The following MYH11 variants were observed in gnomAD, a reference collection of about 807,000 sequenced individuals.
MYH11 encodes the protein myosin heavy chain 11, also known as myosin-11.
A neutral mutation model predicts 246.6 loss-of-function variants in MYH11; 80 were observed. The observed-to-expected ratio is 0.32, with a 90% confidence interval of 0.27 to 0.39. The LOEUF is 0.39. Among genes scored for constraint, MYH11 ranks in the 10% least tolerant of loss-of-function variants. The pLI, the probability that MYH11 is intolerant of heterozygous loss-of-function variation, is 1.00. For synonymous variants in MYH11, 1,071 were observed against 1,015.5 expected, an observed-to-expected ratio of 1.05 and a Z score of -1.04; for missense variants, 2,158 against 2,546.8, an observed-to-expected ratio of 0.85 and a Z score of 3.29.
chr16:15,707,788 A>G (rs2039536251), intron 40 of MYH11, among the ~76,000 whole-genome samples: 1 of 152,118 alleles, frequency 6.6e-6, no homozygotes, highest in South Asian at 2.1e-4. Flanking sequence ...CCTGGCCAAC[A>G]TGGTGATATC....
chr16:15,832,475 G>A (rs752346495), intron 2 of MYH11, among the ~76,000 whole-genome samples: 4 of 152,150 alleles, frequency 2.6e-5, no homozygotes, highest in Admixed American at 6.5e-5. Flanking sequence ...TGAGGTCTGC[G>A]GAAAAGCAGA....
intron 16 of MYH11, among the ~76,000 whole-genome samples, chr16:15,748,759 G>A (rs911010883): frequency 2.0e-5 from 3 of 152,082 alleles, no homozygotes; most frequent in Non-Finnish European, 4.4e-5. Flanking sequence ...GGGACCACAG[G>A]TATGTGCTAC....
chr16:15,719,420 A>G, intron 35 of MYH11, 112 bp from the exon 36 acceptor site: 3 of 1,476,072 alleles, frequency 2.0e-6, no homozygotes, highest in South Asian at 2.3e-5. Flanking sequence ...CTCTGAGCTC[A>G]GGGGAGGCCC....
At chr16:15,719,847 G>T in intron 34 of MYH11, 134 bp from the exon 35 acceptor site, 2 of 1,322,372 alleles carry the variant, frequency 1.5e-6, no homozygotes, top group South Asian at 1.2e-5. Context: ...GCACGAGCAT[G>T]GCTCTCAGTT....
In MYH11 at chr16:15,826,962, A is replaced by C. The variant is rs192866546; in HGVS notation, c.346-3551T>G. On this transcript the variant is annotated intron_variant, in intron 2 of 40. Coordinates refer to ENST00000300036, the MANE Select transcript of MYH11 (RefSeq NM_002474.3). ...TAGTGAGCCAAGGTGGTGCCATTGC[A>C]CTCCAGCCTGGGTGACAGAGGGAGA... Among the ~76,000 whole-genome samples, 15 of 138,114 alleles carry C rather than the reference A, an allele frequency of 1.1e-4. No individual in the cohort carries two copies. The East Asian group carries it at 2.4e-3, about 22-fold the overall frequency. The allele number at this position is 138,114 out of a possible 152,430, so 90.6% of individuals were successfully genotyped here.
At chr16:15,814,507 C>G (rs1022086017) in intron 3 of MYH11, among the ~76,000 whole-genome samples, 19 of 121,112 alleles carry the variant, frequency 1.6e-4, no homozygotes, top group Admixed American at 3.3e-4. Context: ...GAGCCAAGAT[C>G]ATGCCATTGC....
At chr16:15,725,105 G>T in intron 28 of MYH11, 113 bp from the exon 29 acceptor site, 2 of 756,934 alleles carry the variant, frequency 2.6e-6, no homozygotes, top group Non-Finnish European at 4.5e-6. Context: ...CACTGATTGA[G>T]AAAATACCCG....
chr16:15,743,286 A>G (rs1436411082), intron 20 of MYH11, among the ~76,000 whole-genome samples: 1 of 152,142 alleles, frequency 6.6e-6, no homozygotes, highest in African/African-American at 2.4e-5. Context: ...CTCCTGCCTC[A>G]ATCTCCTGAG....
chr16:15,729,691 C>T (rs1298798653), intron 27 of MYH11, among the ~76,000 whole-genome samples: 2 of 151,960 alleles, frequency 1.3e-5, no homozygotes, highest in East Asian at 3.9e-4. Context: ...GCTGGGATTA[C>T]AGGCGACCGC....
chr16:15,723,792 A>G (rs1169712360), intron 31 of MYH11, among the ~76,000 whole-genome samples: 1 of 152,220 alleles, frequency 6.6e-6, no homozygotes. Context: ...GAGTGGTATT[A>G]AAAGTATAGA....
At chr16:15,793,411 A>G (rs967178510) in intron 4 of MYH11, among the ~76,000 whole-genome samples, 4 of 149,012 alleles carry the variant, frequency 2.7e-5, no homozygotes, top group Non-Finnish European at 6.0e-5. Context: ...TCCCTCCCCA[A>G]CCTCCTGAGT....
At position 15,786,680 on chromosome 16, in the gene MYH11, G is replaced by A. The variant is rs1596836541; in HGVS notation, c.583C>T (p.Leu195=). The A allele has an allele frequency of 1.9e-6, 3 of 1,614,178 alleles. No individual in the cohort carries two copies. Among genetic ancestry groups the A allele is most frequent in the Admixed American group, 3.3e-5 (2 of 60,022 alleles). The change falls in exon 5 of 41, where the codon CTG becomes TTG. Residue 195 remains leucine (L), a synonymous_variant. Coordinates refer to ENST00000300036, the MANE Select transcript of MYH11 (RefSeq NM_002474.3). ...TENTKKVIQY[L]AVVASSHKGK... ...TTGTGGGAGGAGGCCACCACGGCCAGGTACTGAATGACCTTCTTGGTGTTT... is the reference window on the plus strand; with the variant it reads ...TTGTGGGAGGAGGCCACCACGGCCAAGTACTGAATGACCTTCTTGGTGTTT...
At chr16:15,803,761 G>A (rs2042943680) in intron 3 of MYH11, among the ~76,000 whole-genome samples, 4 of 152,206 alleles carry the variant, frequency 2.6e-5, no homozygotes, top group Admixed American at 2.0e-4. Flanking sequence ...GCCCAGAGCA[G>A]GAGAGATTTA....
At chr16:15,815,872 T>C (rs8057345) in intron 3 of MYH11, among the ~76,000 whole-genome samples, 19,390 of 151,988 alleles carry the variant, frequency 0.13, 1,293 homozygotes, top group East Asian at 0.15. Flanking sequence ...CATACACACA[T>C]ACGAATCAGA....
chr16:15,822,772 A>T (rs543589959), intron 3 of MYH11, among the ~76,000 whole-genome samples: 161 of 152,358 alleles, frequency 1.1e-3, no homozygotes, highest in African/African-American at 3.7e-3. Flanking sequence ...TAATAGGCAC[A>T]AGTCTTAAGT....
At chr16:15,711,824 C>T (rs1364656852) in intron 40 of MYH11, among the ~76,000 whole-genome samples, 1 of 152,144 alleles carries the variant, frequency 6.6e-6, no homozygotes, top group Non-Finnish European at 1.5e-5. Flanking sequence ...TCCCTAGTAG[C>T]TGGGATTACA....
chr16:15,812,008 C>T (rs1225410538), intron 3 of MYH11, among the ~76,000 whole-genome samples: 2 of 152,128 alleles, frequency 1.3e-5, no homozygotes, highest in East Asian at 1.9e-4. Flanking sequence ...GCTTTAATGG[C>T]GCTTTTCTCC....
chr16:15,778,613 A>G lies in MYH11; in HGVS notation c.790+167T>C, dbSNP rs62030561. Among the ~76,000 whole-genome samples the G allele has an allele frequency of 0.051, 7,787 of 152,158 alleles. 203 individuals are homozygous for G. The highest frequency in any genetic ancestry group is 0.06 in the Non-Finnish European group (4,081 of 68,006). On this transcript the variant is annotated intron_variant, in intron 7 of 40. Coordinates refer to ENST00000300036, the MANE Select transcript of MYH11 (RefSeq NM_002474.3). ...TTCAAACCAGGGGTCCGGTCCACACATGTATAACCACTGCACCACAATGCC... is the reference window on the plus strand; with the variant it reads ...TTCAAACCAGGGGTCCGGTCCACACGTGTATAACCACTGCACCACAATGCC...
At chr16:15,797,106 T>A (rs150569988) in intron 4 of MYH11, among the ~76,000 whole-genome samples, 1 of 152,332 alleles carries the variant, frequency 6.6e-6, no homozygotes, top group Non-Finnish European at 1.5e-5. Flanking sequence ...TACTTCTCCT[T>A]CCATCCCAAC....
Sources: allele counts gnomAD v4.1 joint callset (sites outside exome capture counted in the v4.1 genomes callset), GRCh38; gene constraint gnomAD v4.1.1; transcripts MANE v1.5; gene names NCBI Gene and HGNC (gene_info 2026-07-23, HGNC 2026-07-21).